DLC1: variants seen among roughly 807,000 people sequenced by gnomAD.
DLC1 encodes the protein DLC1 Rho GTPase activating protein.
Under a neutral mutation model 140.3 loss-of-function variants are expected in DLC1, and 54 were observed. The ratio of observed to expected loss-of-function variants is 0.38; its 90% CI spans 0.31 to 0.48. DLC1 has a LOEUF of 0.48. Among genes scored for constraint, DLC1 ranks in the 20% least tolerant of loss-of-function variants. The probability of loss-of-function intolerance (pLI) is 0.96; values close to 1 mark genes in which losing one functional copy is unlikely to be tolerated. For missense variants in DLC1, 2,536 were observed against 1,907.0 expected (o/e 1.33, Z -6.14); for synonymous variants, 986 against 728.1 (o/e 1.35, Z -5.70).
chr8:13,383,366 T>C (rs1836361473), intron 4 of DLC1, among the ~76,000 whole-genome samples: 1 of 152,156 alleles, frequency 6.6e-6, no homozygotes, highest in African/African-American at 2.4e-5. Flanking sequence ...AGTTTGCATA[T>C]GTTCAGAGAA....
intron 2 of DLC1, among the ~76,000 whole-genome samples, chr8:13,404,635 T>A (rs1421343701): frequency 6.6e-6 from 1 of 152,118 alleles, no homozygotes; most frequent in Non-Finnish European, 1.5e-5. Flanking sequence ...TACTAAGGAA[T>A]TACCTGAGCA....
At chr8:13,597,362 C>A (rs991936865) in intron 1 of DLC1, among the ~76,000 whole-genome samples, 2 of 152,006 alleles carry the variant, frequency 1.3e-5, no homozygotes, top group Non-Finnish European at 2.9e-5. Flanking sequence ...CCATTTCTTA[C>A]AACAGTTTGC....
chr8:13,439,969 G>T lies in DLC1; in HGVS notation c.1024-38350C>A, dbSNP rs531135221. Among the ~76,000 whole-genome samples the T allele has an allele frequency of 2.0e-5, 3 of 152,198 alleles. No individual in the cohort carries two copies. In the South Asian group the frequency reaches 6.2e-4, roughly 32 times the overall value. ...CATCTTCCCAGCAGAAGAATGAAAT[G>T]ACCATAAAAATAGTTAAGTGTTCCT... On this transcript the variant is annotated intron_variant, in intron 2 of 17. Transcript: ENST00000276297.
Position 13,499,764 on chromosome 8 carries a change from C to A in DLC1, c.308G>T (p.Ser103Ile), listed in dbSNP as rs2117203007. The change falls in exon 2 of 18, where the codon AGC (serine) becomes ATC (isoleucine). Residue 103 changes from serine (S) to isoleucine (I), a missense_variant. Physicochemically the swap from Ser to Ile is moderately radical, Grantham distance 142. Transcript: ENST00000276297. The stretch of plus-strand genomic sequence containing the variant: ...AGAAACATGCACTAGTGTTTCTGTG[C>A]TGGCTTCCAGAGAAAGAAACTGATC... ...GEDQFLSLEA[S>I]TETLVHVSDE... 6.2e-7 allele frequency: 1 copy of A among 1,614,056 alleles called. No individual in the cohort carries two copies. The highest frequency in any genetic ancestry group is 8.5e-7 in the Non-Finnish European group (1 of 1,180,010).
intron 1 of DLC1, among the ~76,000 whole-genome samples, chr8:13,587,161 A>G (rs1805351799): frequency 6.6e-6 from 1 of 151,786 alleles, no homozygotes; most frequent in Non-Finnish European, 1.5e-5. Flanking sequence ...AAGCCTGTAC[A>G]TGCACAGATG....
At chr8:13,452,368 A>G (rs1799105618) in intron 2 of DLC1, among the ~76,000 whole-genome samples, 1 of 152,134 alleles carries the variant, frequency 6.6e-6, no homozygotes, top group Non-Finnish European at 1.5e-5. Flanking sequence ...AGAGTAAAAA[A>G]GTAACTCAAT....
In DLC1 at chr8:13,090,449, A is replaced by G. The variant is rs997716985; in HGVS notation, c.3877T>C (p.Cys1293Arg). ...TCTTGTTCGGTATAGGAATTACGACATCGGCTCATTTCCTCGGGAACCTGT... is the reference window on the plus strand; with the variant it reads ...TCTTGTTCGGTATAGGAATTACGACGTCGGCTCATTTCCTCGGGAACCTGT... Reference protein sequence around the residue: ...LFQVPEEMSRCRNSYTEQELK... With the variant: ...LFQVPEEMSRRRNSYTEQELK... Residue 1293 changes from cysteine (C) to arginine (R), a missense_variant, in exon 15 of 18, where the codon TGT (cysteine) becomes CGT (arginine). Transcript: ENST00000276297. 1 of 1,614,030 alleles carries G rather than the reference A, an allele frequency of 6.2e-7. No individual in the cohort carries two copies. The highest frequency in any genetic ancestry group is 1.3e-5 in the African/African-American group (1 of 74,950).
At chr8:13,108,157 A>G (rs1371620681) in intron 7 of DLC1, among the ~76,000 whole-genome samples, 1 of 152,204 alleles carries the variant, frequency 6.6e-6, no homozygotes, top group Non-Finnish European at 1.5e-5. Flanking sequence ...TTTCATGAAA[A>G]GTCCATTTAT....
intron 6 of DLC1, among the ~76,000 whole-genome samples, chr8:13,113,028 A>G (rs35951416): frequency 0.4 from 60,533 of 152,122 alleles, 13,395 homozygotes; most frequent in South Asian, 0.53. Context: ...GTATACCCAG[A>G]GCCATATTTT....
At chr8:13,138,866 T>A (rs1822761682) in intron 5 of DLC1, among the ~76,000 whole-genome samples, 1 of 152,194 alleles carries the variant, frequency 6.6e-6, no homozygotes, top group African/African-American at 2.4e-5. Context: ...GCAAAATTAA[T>A]TCACCACCAT....
chr8:13,493,828 G>A (rs1176949009), intron 2 of DLC1, among the ~76,000 whole-genome samples: 1 of 151,906 alleles, frequency 6.6e-6, no homozygotes, highest in African/African-American at 2.4e-5. Flanking sequence ...TCCTCCCCTT[G>A]TTACAAGTCT....
chr8:13,451,061 A>AAG (rs1799025989), intron 2 of DLC1, among the ~76,000 whole-genome samples: 13 of 138,452 alleles, frequency 9.4e-5, no homozygotes, highest in Middle Eastern at 3.8e-3. Flanking sequence ...AAAAAAAAAA[A>AAG]AAAAAAAGAA....
chr8:13,233,283 A>C (rs971260632), intron 5 of DLC1, among the ~76,000 whole-genome samples: 1 of 134,340 alleles, frequency 7.4e-6, no homozygotes, highest in African/African-American at 2.8e-5. Context: ...CGATAGAATA[A>C]GACTCTGTAT....
chr8:13,322,024 AT>A (rs1833148377), intron 4 of DLC1, among the ~76,000 whole-genome samples: 1 of 152,186 alleles, frequency 6.6e-6, no homozygotes, highest in Non-Finnish European at 1.5e-5. Flanking sequence ...AAAATTAAAG[AT>A]TTATTGAAGT....
chr8:13,132,928 C>G, intron 5 of DLC1: 1 of 1,599,710 alleles, frequency 6.3e-7, no homozygotes, highest in Middle Eastern at 1.7e-4. Context: ...GACGGCAAGA[C>G]GCAAGTCTAG....
intron 2 of DLC1, among the ~76,000 whole-genome samples, chr8:13,486,760 T>C (rs1269713652): frequency 6.6e-6 from 1 of 152,150 alleles, no homozygotes; most frequent in African/African-American, 2.4e-5. Context: ...ACTTGCTTGT[T>C]GGATAAATGA....
chr8:13,128,719 C>G (rs1006348355), intron 5 of DLC1, among the ~76,000 whole-genome samples: 1 of 151,974 alleles, frequency 6.6e-6, no homozygotes, highest in African/African-American at 2.4e-5. Flanking sequence ...ACTGTAGTCC[C>G]AGCTACTCGG....
intron 1 of DLC1, among the ~76,000 whole-genome samples, chr8:13,554,788 T>G (rs543123348): frequency 6.6e-6 from 1 of 152,184 alleles, no homozygotes; most frequent in African/African-American, 2.4e-5. Flanking sequence ...CCACTCACAA[T>G]CTGAAGTCTA....
chr8:13,169,247 C>A (rs932970559), intron 5 of DLC1, among the ~76,000 whole-genome samples: 1 of 152,130 alleles, frequency 6.6e-6, no homozygotes, highest in Non-Finnish European at 1.5e-5. Flanking sequence ...AAGATACTAT[C>A]CTGAATGTAA....
Sources: allele counts gnomAD v4.1 joint callset (sites outside exome capture counted in the v4.1 genomes callset), GRCh38; gene constraint gnomAD v4.1.1; transcripts MANE v1.5; gene names NCBI Gene and HGNC (gene_info 2026-07-23, HGNC 2026-07-21).